Variants in UGDH observed in about 807,000 individuals in gnomAD.
UGDH encodes the protein UDP-Glc dehydrogenase.
UGDH carries 38 observed loss-of-function variants against 50.6 expected under a neutral mutation model. The observed-to-expected ratio is 0.75, with a 90% CI of 0.58 to 0.98. The LOEUF is 0.98. Among genes scored for constraint, UGDH ranks in the 50% least tolerant of loss-of-function variants. The probability of loss-of-function intolerance (pLI) is 0.00; values close to 1 mark genes in which losing one functional copy is unlikely to be tolerated. For missense variants in UGDH, 465 were observed against 606.2 expected (o/e 0.77, Z 2.45); for synonymous variants, 168 against 199.9 (o/e 0.84, Z 1.35).
intron 5 of UGDH, 138 bp downstream of exon 5, chr4:39,510,215 A>G: frequency 2.2e-6 from 2 of 911,420 alleles, no homozygotes; most frequent in Non-Finnish European, 3.3e-6. Context: ...TTATTTCATA[A>G]TTTGAATGTG....
Position 39,505,374 on chromosome 4 carries a change from T to C in UGDH, c.1038-4A>G. 6.7e-7 allele frequency: 1 copy of C among 1,501,546 alleles called. No individual in the cohort carries two copies. The highest frequency in any genetic ancestry group is 1.8e-4 in the Middle Eastern group (1 of 5,424). 93.0% of individuals were successfully genotyped at this position (1,501,546 alleles called of 1,614,324 possible). The stretch of plus-strand genomic sequence containing the variant: ...AATATATATACTAGAAGATTCTCTA[T>C]AGGAAAAAAAAAATCAGTATTGGTA... On this transcript the variant is annotated splice_polypyrimidine_tract_variant and splice_region_variant and intron_variant, in intron 8 of 11. Transcript: ENST00000316423.
intron 1 of UGDH, among the ~76,000 whole-genome samples, chr4:39,523,053 G>T (rs929774064): frequency 6.6e-6 from 1 of 151,828 alleles, no homozygotes; most frequent in African/African-American, 2.4e-5. Context: ...GAGCCACCAC[G>T]GTATTTATTT....
chr4:39,510,884 A>T, intron 3 of UGDH, 23 bp from the exon 4 acceptor site: 4 of 1,612,774 alleles, frequency 2.5e-6, no homozygotes, highest in Non-Finnish European at 3.4e-6. Flanking sequence ...TATGGGATAA[A>T]GAACAGAGTG....
intron 8 of UGDH, 90 bp downstream of exon 8, chr4:39,505,528 G>A (rs1286881581): frequency 6.7e-6 from 8 of 1,200,302 alleles, no homozygotes; most frequent in Non-Finnish European, 7.7e-6. Flanking sequence ...ATATATACAT[G>A]TATTTTATGT....
At chr4:39,505,120 G>T in intron 9 of UGDH, 117 bp downstream of exon 9, 2 of 992,628 alleles carry the variant, frequency 2.0e-6, no homozygotes, top group Non-Finnish European at 2.8e-6. Context: ...GAGAAATGAG[G>T]TTGAAAAGAG....
intron 2 of UGDH, among the ~76,000 whole-genome samples, chr4:39,515,396 G>A (rs1746402891): frequency 6.6e-6 from 1 of 152,046 alleles, no homozygotes; most frequent in Non-Finnish European, 1.5e-5. Flanking sequence ...AACTGGCTGT[G>A]AAAGTCAATT....
At chr4:39,522,813 TAG>T (rs1413386485) in intron 1 of UGDH, among the ~76,000 whole-genome samples, 2 of 151,032 alleles carry the variant, frequency 1.3e-5, no homozygotes, top group South Asian at 4.2e-4. Context: ...GTCGCCAGGC[TAG>T]AGTACAATGT....
intron 3 of UGDH, among the ~76,000 whole-genome samples, chr4:39,511,587 C>T (rs778485610): frequency 2.0e-5 from 3 of 151,864 alleles, no homozygotes; most frequent in East Asian, 3.9e-4. Flanking sequence ...CCTATTTTTA[C>T]AGTCCTATAT....
intron 1 of UGDH, among the ~76,000 whole-genome samples, 177 bp from the exon 2 acceptor site, chr4:39,521,696 G>A (rs923281078): frequency 3.9e-5 from 6 of 152,300 alleles, no homozygotes; most frequent in South Asian, 4.1e-4. Flanking sequence ...ATTCCAATTG[G>A]ATGACCTAGC....
At chr4:39,518,909 T>C (rs1320775152) in intron 2 of UGDH, among the ~76,000 whole-genome samples, 1 of 152,188 alleles carries the variant, frequency 6.6e-6, no homozygotes, top group African/African-American at 2.4e-5. Flanking sequence ...GGTGTCATTA[T>C]TCTAATTTAT....
At chr4:39,514,490 G>A (rs1478621557) in intron 2 of UGDH, among the ~76,000 whole-genome samples, 1 of 151,578 alleles carries the variant, frequency 6.6e-6, no homozygotes, top group Non-Finnish European at 1.5e-5. Context: ...AGCCTCCCAA[G>A]TAGCTAGGAC....
intron 2 of UGDH, among the ~76,000 whole-genome samples, chr4:39,521,147 G>C (rs919437884): frequency 2.0e-5 from 3 of 150,950 alleles, no homozygotes; most frequent in Non-Finnish European, 4.4e-5. Flanking sequence ...ACACCATTCT[G>C]ATAGACTTCT....
intron 11 of UGDH, among the ~76,000 whole-genome samples, 155 bp downstream of exon 11, chr4:39,503,720 C>T (rs963946604): frequency 2.0e-5 from 3 of 152,100 alleles, no homozygotes; most frequent in Non-Finnish European, 4.4e-5. Flanking sequence ...AAAGAACTTC[C>T]CTAGAAAGAA....
intron 11 of UGDH, among the ~76,000 whole-genome samples, chr4:39,502,986 G>A (rs929578797): frequency 1.3e-5 from 2 of 152,104 alleles, no homozygotes; most frequent in African/African-American, 4.8e-5. Context: ...GTGTGATCTT[G>A]GCTCACTGCA....
Position 39,510,677 on chromosome 4 carries a change from G to A in UGDH, c.449C>T (p.Pro150Leu). 1 of 1,614,198 alleles carries A rather than the reference G, an allele frequency of 6.2e-7. No homozygotes were observed. Among genetic ancestry groups the A allele is most frequent in the East Asian group, 2.2e-5 (1 of 44,896 alleles). Residue 150 changes from proline (P) to leucine (L), a missense_variant, in exon 4 of 12, where the codon CCC (proline) becomes CTC (leucine). Transcript: ENST00000316423. ...TTTTTATACCTGTAAATTCAAGTTG[G>A]GTTTTGTGTTTGCATCAAATATGCG... ...IRRIFDANTK[P>L]NLNLQVLSNP...
rs1325003190 is a variant in UGDH at position 39,509,905 on chromosome 4, T to C, written c.666A>G (p.Ala222=). The C allele has an allele frequency of 2.5e-6, 4 of 1,571,914 alleles. No individual in the cohort carries two copies. In the East Asian group the frequency reaches 6.9e-5, roughly 27 times the overall value. The change falls in exon 6 of 12, where the codon GCA becomes GCG. Residue 222 remains alanine (A), a splice_region_variant and synonymous_variant. Coordinates refer to ENST00000316423, the MANE Select transcript of UGDH (RefSeq NM_003359.4). The part of the protein sequence containing the change: ...NTWSSELSKL[A]ANAFLAQRIS... Reference sequence around the variant, plus strand: ...TTCTCTGGGCAAGAAAAGCATTTGCTGCCTTAAAAAAAAAAAACATAGAGA... The same window carrying C: ...TTCTCTGGGCAAGAAAAGCATTTGCCGCCTTAAAAAAAAAAAACATAGAGA...
intron 1 of UGDH, among the ~76,000 whole-genome samples, chr4:39,523,822 A>G (rs1489222760): frequency 6.6e-6 from 1 of 152,066 alleles, no homozygotes; most frequent in East Asian, 1.9e-4. Context: ...AAAAAAAAAA[A>G]ATTATTGATT....
chr4:39,501,245 C>T (rs1415590343), intron 11 of UGDH, among the ~76,000 whole-genome samples: 3 of 150,264 alleles, frequency 2.0e-5, no homozygotes, highest in South Asian at 2.1e-4. Context: ...GTATTACAGG[C>T]GTGAGCCACT....
chr4:39,505,904 TAA>T (rs11290546), intron 7 of UGDH, among the ~76,000 whole-genome samples, 156 bp from the exon 8 acceptor site: 61 of 144,314 alleles, frequency 4.2e-4, no homozygotes, highest in African/African-American at 8.2e-4. Context: ...GCCTATGGAT[TAA>T]AAAAAAAAAA....
Sources: allele counts gnomAD v4.1 joint callset (sites outside exome capture counted in the v4.1 genomes callset), GRCh38; gene constraint gnomAD v4.1.1; transcripts MANE v1.5; gene names NCBI Gene and HGNC (gene_info 2026-07-23, HGNC 2026-07-21).